The following SETBP1 variants were observed in gnomAD, a reference collection of about 807,000 sequenced individuals.
The protein encoded by SETBP1 is SET binding protein 1.
Under a neutral mutation model 101.0 loss-of-function variants are expected in SETBP1, and 9 were observed. The ratio of observed to expected loss-of-function variants is 0.09; its 90% CI spans 0.05 to 0.16. The LOEUF (loss-of-function observed/expected upper bound fraction) is 0.16, where lower values mean the gene tolerates loss of function less well. Ranked by LOEUF, SETBP1 falls within the 10% of genes least tolerant of loss-of-function variation. SETBP1 has a pLI of 1.00. For synonymous variants in SETBP1, 818 were observed against 788.5 expected (o/e 1.04, Z -0.63); for missense variants, 1,858 against 2,033.8 (o/e 0.91, Z 1.66).
intron 3 of SETBP1, among the ~76,000 whole-genome samples, chr18:44,875,334 A>G (rs1599260269): frequency 6.6e-6 from 1 of 151,992 alleles, no homozygotes; most frequent in East Asian, 1.9e-4. Flanking sequence ...CCTGGCCAAC[A>G]TGGTGAAACC....
At chr18:44,961,442 A>T (rs1465803323) in intron 4 of SETBP1, among the ~76,000 whole-genome samples, 4 of 152,206 alleles carry the variant, frequency 2.6e-5, no homozygotes, top group Non-Finnish European at 5.9e-5. Flanking sequence ...GAATAAGTGG[A>T]TGATGAGAGA....
At chr18:44,794,787 A>G (rs973373994) in intron 2 of SETBP1, among the ~76,000 whole-genome samples, 13 of 152,110 alleles carry the variant, frequency 8.5e-5, no homozygotes, top group Admixed American at 8.5e-4. Context: ...TTGGGTAGGG[A>G]TGTGACTTGG....
chr18:45,054,647 G>T (rs983523183), intron 5 of SETBP1, among the ~76,000 whole-genome samples: 1 of 152,134 alleles, frequency 6.6e-6, no homozygotes, highest in Non-Finnish European at 1.5e-5. Flanking sequence ...TATTTCTGAG[G>T]TCTCTGTTTT....
chr18:44,982,308 G>A (rs1180861464), intron 4 of SETBP1, among the ~76,000 whole-genome samples: 4 of 152,246 alleles, frequency 2.6e-5, no homozygotes, highest in African/African-American at 9.6e-5. Flanking sequence ...GGCAGGGGCC[G>A]CCGGCTGGAA....
chr18:44,894,864 C>T (rs2069855758), intron 3 of SETBP1, among the ~76,000 whole-genome samples: 2 of 150,918 alleles, frequency 1.3e-5, no homozygotes, highest in South Asian at 2.1e-4. Context: ...GGCACCGTGG[C>T]TGCTTTGGGA....
chr18:45,062,945 G>T, intron 5 of SETBP1, 134 bp from the exon 6 acceptor site: 1 of 1,121,904 alleles, frequency 8.9e-7, no homozygotes. Flanking sequence ...TGCATCTTGG[G>T]CACGGAGACA....
At chr18:44,769,476 A>T (rs533517047) in intron 2 of SETBP1, among the ~76,000 whole-genome samples, 1 of 152,360 alleles carries the variant, frequency 6.6e-6, no homozygotes, top group African/African-American at 2.4e-5. Flanking sequence ...GAATGTGTCC[A>T]TTAAAAGATA....
chr18:44,689,454 C>T (rs1376785375), intron 1 of SETBP1, among the ~76,000 whole-genome samples: 1 of 152,176 alleles, frequency 6.6e-6, no homozygotes, highest in Non-Finnish European at 1.5e-5. Flanking sequence ...ACTAATCAAC[C>T]TTCCAACTCT....
chr18:44,991,257 A>G (rs1400526588), intron 4 of SETBP1, among the ~76,000 whole-genome samples: 1 of 150,874 alleles, frequency 6.6e-6, no homozygotes, highest in African/African-American at 2.4e-5. Flanking sequence ...AAAAAAAAAA[A>G]AAAAAAAAAG....
rs1330178698 is a variant in SETBP1 at position 44,756,510 on chromosome 18, G to T, written c.486+54678G>T. On this transcript the variant is annotated intron_variant, in intron 2 of 5. Coordinates refer to ENST00000649279, the MANE Select transcript of SETBP1 (RefSeq NM_015559.3). ...CAGGGCTGGACGCAAAGGGCAGATTGCTGCCCAGCCACAAGCCAGGCTCCA... is the reference window on the plus strand; with the variant it reads ...CAGGGCTGGACGCAAAGGGCAGATTTCTGCCCAGCCACAAGCCAGGCTCCA... 2.0e-5 allele frequency among the ~76,000 whole-genome samples: 3 copies of T among 152,186 alleles called. No homozygotes were observed. The East Asian group carries it at 5.8e-4, about 29-fold the overall frequency.
At chr18:44,777,826 C>T (rs1568138435) in intron 2 of SETBP1, among the ~76,000 whole-genome samples, 1 of 152,178 alleles carries the variant, frequency 6.6e-6, no homozygotes. Context: ...CATTTTGGGG[C>T]CAATGATAAA....
chr18:45,007,141 CA>C (rs1306360394), intron 4 of SETBP1, among the ~76,000 whole-genome samples: 2 of 152,236 alleles, frequency 1.3e-5, no homozygotes, highest in African/African-American at 2.4e-5. Context: ...ATTCCACCCT[CA>C]GTCCTCTCAC....
intron 2 of SETBP1, among the ~76,000 whole-genome samples, chr18:44,730,682 C>T (rs2069820480): frequency 6.6e-6 from 1 of 152,160 alleles, no homozygotes; most frequent in Non-Finnish European, 1.5e-5. Flanking sequence ...TTTCATCATT[C>T]CCCACTGGTC....
rs150576406 is a variant in SETBP1, at chr18:44,805,016, C to A, written c.487-64214C>A. On this transcript the variant is annotated intron_variant, in intron 2 of 5. Coordinates refer to ENST00000649279, the MANE Select transcript of SETBP1 (RefSeq NM_015559.3). ...GTAAGCCTTAGACACAAGGCTGCTG[C>A]AGGATCCTGGCCTCCCCTGGAATAA... 2.5e-3 allele frequency among the ~76,000 whole-genome samples: 386 copies of A among 152,184 alleles called. 4 individuals carry two copies. Among genetic ancestry groups the A allele is most frequent in the African/African-American group, 8.7e-3 (363 of 41,546 alleles).
chr18:44,920,379 A>G (rs2070551658), intron 3 of SETBP1, among the ~76,000 whole-genome samples: 1 of 152,210 alleles, frequency 6.6e-6, no homozygotes, highest in Non-Finnish European at 1.5e-5. Flanking sequence ...TCATCCGTGT[A>G]TCCTAGAATG....
chr18:44,868,698 GGACGGAAGGAAGGGAGGAAGGAAGGA>G lies in SETBP1; in HGVS notation c.487-531_487-506del, dbSNP rs1477117422. ...AGAGAGAGAGAGAGAGAGAGAGAGA[GGACGGAAGGAAGGGAGGAAGGAAGGA>G]AGGAAGGAAGGAAGGAAGGAAGGAA... is the stretch of plus-strand genomic sequence containing the variant. On this transcript the variant is annotated intron_variant, in intron 2 of 5. Coordinates refer to ENST00000649279, the MANE Select transcript of SETBP1 (RefSeq NM_015559.3). Among the ~76,000 whole-genome samples the G allele has an allele frequency of 2.7e-3, 186 of 69,228 alleles. 3 individuals are homozygous for G. Among genetic ancestry groups the G allele is most frequent in the African/African-American group, 9.3e-3 (164 of 17,580 alleles). 45.4% of individuals were successfully genotyped at this position (69,228 alleles called of 152,430 possible).
chr18:44,846,757 T>A (rs1382532537), intron 2 of SETBP1, among the ~76,000 whole-genome samples: 3 of 152,244 alleles, frequency 2.0e-5, no homozygotes, highest in Non-Finnish European at 4.4e-5. Context: ...GATGTCTGCC[T>A]CCAAAGATAC....
At position 44,876,721 on chromosome 18, in the gene SETBP1, A is replaced by G; in HGVS notation, c.540+7438A>G. ...CGGTTCTCTCACTCTTCCTTTTCAC[A>G]GTGAACCTGCAGTCTGGGCACAAGA... On this transcript the variant is annotated intron_variant, in intron 3 of 5. Transcript: ENST00000649279. 2 of 1,545,734 alleles carry G rather than the reference A, an allele frequency of 1.3e-6. No individual in the cohort carries two copies.
intron 2 of SETBP1, among the ~76,000 whole-genome samples, chr18:44,816,490 A>C (rs79802082): frequency 0.033 from 5,047 of 152,228 alleles, 275 homozygotes; most frequent in African/African-American, 0.11. Context: ...GCAAGTGGTA[A>C]GTTTTGTACC....
Sources: allele counts gnomAD v4.1 joint callset (sites outside exome capture counted in the v4.1 genomes callset), GRCh38; gene constraint gnomAD v4.1.1; transcripts MANE v1.5; gene names NCBI Gene and HGNC (gene_info 2026-07-23, HGNC 2026-07-21).